The following RERG variants were observed in gnomAD, a reference collection of about 807,000 sequenced individuals.
The protein encoded by RERG is ras-related and estrogen-regulated growth inhibitor.
RERG carries 25 observed loss-of-function variants against 23.2 expected under a neutral mutation model. The ratio of observed to expected loss-of-function variants is 1.08; its 90% CI spans 0.79 to 1.50. RERG has a LOEUF of 1.50. Ranked by LOEUF, RERG falls within the 40% of genes most tolerant of loss-of-function variation. The probability of loss-of-function intolerance (pLI) is 0.00; values close to 1 mark genes in which losing one functional copy is unlikely to be tolerated. For missense variants in RERG, 253 were observed against 250.1 expected (o/e 1.01, Z -0.08); for synonymous variants, 81 against 89.1 (o/e 0.91, Z 0.51).
intron 1 of RERG, 61 bp downstream of exon 1, chr12:15,221,134 C>G (rs1439524746): frequency 2.0e-5 from 3 of 152,236 alleles, no homozygotes; most frequent in Admixed American, 6.5e-5. Context: ...GCTCAGGGCT[C>G]GGAATGGGTC....
chr12:15,109,570 T>C (rs1863566377), intron 4 of RERG, 53 bp from the exon 5 acceptor site: 8 of 1,409,028 alleles, frequency 5.7e-6, no homozygotes, highest in Middle Eastern at 1.8e-4. Context: ...TCAAAATATA[T>C]GGATGCTGGT....
rs146475282 is a variant in RERG at position 15,148,554 on chromosome 12, T to A, written c.62-27435A>T. On this transcript the variant is annotated intron_variant, in intron 2 of 4. Coordinates refer to ENST00000256953, the MANE Select transcript of RERG (RefSeq NM_032918.3). ...GAAAACATTTCTATCCATGTAAGCA[T>A]AGGAAACTTTAAGTGTATTAATTAT... 4.7e-3 allele frequency among the ~76,000 whole-genome samples: 722 copies of A among 152,250 alleles called. 6 individuals are homozygous for A. The highest frequency in any genetic ancestry group is 0.017 in the African/African-American group (689 of 41,556).
chr12:15,166,788 T>TC (rs1366733137), intron 2 of RERG, among the ~76,000 whole-genome samples: 6 of 151,866 alleles, frequency 4.0e-5, no homozygotes, highest in Non-Finnish European at 8.8e-5. Flanking sequence ...TTTTTTTTTT[T>TC]CGATATTTAA....
intron 2 of RERG, among the ~76,000 whole-genome samples, chr12:15,166,553 G>T (rs898545745): frequency 2.6e-4 from 39 of 151,516 alleles, no homozygotes; most frequent in Admixed American, 2.2e-3. Context: ...AGTGGTGTTG[G>T]TGGTGGTGTT....
At chr12:15,125,228 T>C (rs1241471594) in intron 2 of RERG, among the ~76,000 whole-genome samples, 2 of 151,996 alleles carry the variant, frequency 1.3e-5, no homozygotes, top group African/African-American at 4.8e-5. Flanking sequence ...ATCTATGTTA[T>C]ATAAAGAGAA....
At chr12:15,198,231 C>G (rs946670503) in intron 2 of RERG, among the ~76,000 whole-genome samples, 1 of 152,018 alleles carries the variant, frequency 6.6e-6, no homozygotes, top group African/African-American at 2.4e-5. Flanking sequence ...GTGTACCGCT[C>G]TCAATGCACC....
intron 2 of RERG, among the ~76,000 whole-genome samples, chr12:15,155,898 A>G (rs1864514673): frequency 6.6e-6 from 1 of 151,294 alleles, no homozygotes; most frequent in East Asian, 1.9e-4. Flanking sequence ...AATATATGTC[A>G]TTACAAATAA....
intron 2 of RERG, chr12:15,137,753 G>A (rs1864168226): frequency 1.4e-5 from 5 of 368,312 alleles, no homozygotes; most frequent in South Asian, 1.1e-4. Context: ...TAAATACATT[G>A]TTTCCTTTAC....
intron 2 of RERG, among the ~76,000 whole-genome samples, chr12:15,202,654 C>T (rs1233902227): frequency 3.3e-5 from 5 of 151,692 alleles, no homozygotes; most frequent in African/African-American, 1.2e-4. Flanking sequence ...AATAATGTTT[C>T]ATTACATATA....
intron 2 of RERG, among the ~76,000 whole-genome samples, chr12:15,184,104 A>G (rs928951216): frequency 6.6e-6 from 1 of 152,186 alleles, no homozygotes; most frequent in Non-Finnish European, 1.5e-5. Flanking sequence ...CGCAAATCAG[A>G]TAAGGGAAGA....
intron 2 of RERG, among the ~76,000 whole-genome samples, chr12:15,158,248 A>G (rs528625391): frequency 6.7e-6 from 1 of 149,786 alleles, no homozygotes; most frequent in East Asian, 2.0e-4. Context: ...AACTCTTTAC[A>G]CTCTTTTAAA....
chr12:15,117,566 G>C (rs1863745955), intron 3 of RERG, among the ~76,000 whole-genome samples: 1 of 152,078 alleles, frequency 6.6e-6, no homozygotes, highest in African/African-American at 2.4e-5. Context: ...CATCTGCTTA[G>C]AAAACTAAGC....
intron 2 of RERG, 187 bp downstream of exon 2, chr12:15,217,242 A>C (rs973559820): frequency 1.8e-6 from 1 of 550,856 alleles, no homozygotes; most frequent in East Asian, 3.0e-5. Context: ...AGCATAAATA[A>C]GCAAAAGGAT....
intron 2 of RERG, among the ~76,000 whole-genome samples, chr12:15,122,251 G>A (rs113793927): frequency 6.7e-4 from 102 of 152,168 alleles, no homozygotes; most frequent in African/African-American, 2.3e-3. Context: ...ATTATAATGT[G>A]TATTTTTATT....
In RERG at chr12:15,117,672, C is replaced by CGT. The variant is rs1555119502; in HGVS notation, c.118+3390_118+3391insAC. Among the ~76,000 whole-genome samples, 101 of 41,598 alleles carry CGT rather than the reference C, an allele frequency of 2.4e-3. 2 individuals carry two copies. Among genetic ancestry groups the CGT allele is most frequent in the African/African-American group, 8.2e-3 (92 of 11,276 alleles). The allele number at this position is 41,598 out of a possible 152,430, so 27.3% of individuals were successfully genotyped here. On this transcript the variant is annotated intron_variant, in intron 3 of 4. Transcript: ENST00000256953. The stretch of plus-strand genomic sequence containing the variant: ...CCTCTCCAAATGCCTCCATCACACA[C>CGT]GCGCACACACACACACACACACACA...
At chr12:15,201,739 A>T (rs1045997200) in intron 2 of RERG, among the ~76,000 whole-genome samples, 2 of 151,206 alleles carry the variant, frequency 1.3e-5, no homozygotes, top group Non-Finnish European at 3.0e-5. Flanking sequence ...ATTAGCTAAT[A>T]TTAATTATTA....
intron 2 of RERG, 87 bp from the exon 3 acceptor site, chr12:15,121,206 C>T: frequency 6.5e-6 from 6 of 916,266 alleles, no homozygotes; most frequent in South Asian, 5.7e-5. Context: ...AAATGCTCCA[C>T]ACAACCCTAT....
chr12:15,199,723 C>T (rs545172874), intron 2 of RERG, among the ~76,000 whole-genome samples: 3 of 151,948 alleles, frequency 2.0e-5, no homozygotes, highest in East Asian at 1.9e-4. Context: ...CAAATAACAG[C>T]GGGGATTTGA....
At chr12:15,154,640 G>A (rs1864495182) in intron 2 of RERG, among the ~76,000 whole-genome samples, 1 of 152,130 alleles carries the variant, frequency 6.6e-6, no homozygotes, top group Non-Finnish European at 1.5e-5. Flanking sequence ...AAAGAACATA[G>A]CCAGTCTTCT....
Sources: allele counts gnomAD v4.1 joint callset (sites outside exome capture counted in the v4.1 genomes callset), GRCh38; gene constraint gnomAD v4.1.1; transcripts MANE v1.5; gene names NCBI Gene and HGNC (gene_info 2026-07-23, HGNC 2026-07-21).